CCDC7: variants seen among roughly 807,000 people sequenced by gnomAD.
CCDC7 encodes coiled-coil domain containing 7.
A neutral mutation model predicts 196.9 loss-of-function variants in CCDC7; 183 were observed. The observed-to-expected ratio is 0.93, with a 90% CI of 0.82 to 1.05. CCDC7 has a LOEUF of 1.05. Among genes scored for constraint, CCDC7 ranks in the 50% least tolerant of loss-of-function variants. CCDC7 has a pLI of 0.00. For missense variants in CCDC7, 1,540 were observed against 1,482.2 expected, an observed-to-expected ratio of 1.04 and a Z score of -0.64; for synonymous variants, 525 against 484.6, an observed-to-expected ratio of 1.08 and a Z score of -1.10.
At chr10:32,801,461 TA>T (rs1437120044) in intron 29 of CCDC7, among the ~76,000 whole-genome samples, 1 of 152,232 alleles carries the variant, frequency 6.6e-6, no homozygotes, top group Non-Finnish European at 1.5e-5. Flanking sequence ...TTAGTGGGCC[TA>T]AATCAATAAA....
chr10:32,453,111 T>A (rs956009017), intron 1 of CCDC7, among the ~76,000 whole-genome samples: 14 of 152,106 alleles, frequency 9.2e-5, no homozygotes, highest in Admixed American at 9.2e-4. Context: ...ACAGAAATGG[T>A]AGAGTCATAG....
chr10:32,455,275 C>G (rs1417912020), intron 2 of CCDC7, among the ~76,000 whole-genome samples: 1 of 134,370 alleles, frequency 7.4e-6, no homozygotes, highest in East Asian at 2.2e-4. Context: ...GTGAGCCTCT[C>G]AGCATATTTA....
chr10:32,521,870 G>A (rs2047932403), intron 11 of CCDC7, among the ~76,000 whole-genome samples: 1 of 152,078 alleles, frequency 6.6e-6, no homozygotes, highest in African/African-American at 2.4e-5. Flanking sequence ...GTTGAGGTAT[G>A]TTTCTTCTGT....
At chr10:32,752,143 A>C (rs2075760935) in intron 28 of CCDC7, among the ~76,000 whole-genome samples, 1 of 152,132 alleles carries the variant, frequency 6.6e-6, no homozygotes, top group African/African-American at 2.4e-5. Flanking sequence ...CATTAAGTTT[A>C]TTCAAAAGCC....
chr10:32,780,274 A>G (rs906625571), intron 29 of CCDC7, among the ~76,000 whole-genome samples: 1 of 152,196 alleles, frequency 6.6e-6, no homozygotes, highest in African/African-American at 2.4e-5. Flanking sequence ...GTTAAAATGA[A>G]GGAATGCTAG....
chr10:32,517,881 G>A (rs2047289497), intron 9 of CCDC7, 64 bp from the exon 11 acceptor site: 3 of 1,539,694 alleles, frequency 1.9e-6, no homozygotes, highest in South Asian at 1.2e-5. Flanking sequence ...GAAAATGTGT[G>A]TGTTTCATAA....
At chr10:32,610,542 G>A (rs2062004784) in intron 18 of CCDC7, among the ~76,000 whole-genome samples, 1 of 152,082 alleles carries the variant, frequency 6.6e-6, no homozygotes, top group Non-Finnish European at 1.5e-5. Context: ...ATCTACATTA[G>A]GTATTTCTCC....
At chr10:32,774,495 G>A (rs2079656571) in intron 28 of CCDC7, among the ~76,000 whole-genome samples, 1 of 152,158 alleles carries the variant, frequency 6.6e-6, no homozygotes, top group African/African-American at 2.4e-5. Context: ...CCTGCTTGCA[G>A]GAGGGGGTGA....
rs1226084676 is a variant in CCDC7 at position 32,668,364 on chromosome 10, T to C, written c.2122+4203T>C. Among the ~76,000 whole-genome samples the C allele has an allele frequency of 2.6e-5, 4 of 152,108 alleles. No homozygotes were observed. In the East Asian group the frequency reaches 5.8e-4, roughly 22 times the overall value. The stretch of plus-strand genomic sequence containing the variant: ...TTCCTAATTGAATACCCTTTATTTC[T>C]TTCTCCTGCCTGATTGCCCTGGCCA... On this transcript the variant is annotated intron_variant, in intron 21 of 41. Coordinates refer to ENST00000639629, the Ensembl canonical transcript of CCDC7.
At chr10:32,654,268 A>G (rs2069337389) in intron 20 of CCDC7, among the ~76,000 whole-genome samples, 1 of 152,196 alleles carries the variant, frequency 6.6e-6, no homozygotes, top group Non-Finnish European at 1.5e-5. Context: ...TAGTTTTATA[A>G]TAGCTGATTT....
chr10:32,688,609 T>G (rs2076727087), intron 22 of CCDC7, among the ~76,000 whole-genome samples: 1 of 152,212 alleles, frequency 6.6e-6, no homozygotes, highest in Non-Finnish European at 1.5e-5. Context: ...CTTTTGTAAC[T>G]GTATGTACAG....
chr10:32,850,813 A>G (rs1565709207), intron 39 of CCDC7, among the ~76,000 whole-genome samples: 1 of 129,836 alleles, frequency 7.7e-6, no homozygotes, highest in Non-Finnish European at 1.8e-5. Flanking sequence ...ACACACACAC[A>G]CACACAGAGA....
chr10:32,841,270 C>A (rs1197180882), intron 33 of CCDC7, among the ~76,000 whole-genome samples: 1 of 151,954 alleles, frequency 6.6e-6, no homozygotes, highest in African/African-American at 2.4e-5. Context: ...ATCCAAAAAG[C>A]TCCCAGAACT....
At chr10:32,817,902 G>C (rs1383525219) in intron 31 of CCDC7, among the ~76,000 whole-genome samples, 2 of 152,108 alleles carry the variant, frequency 1.3e-5, no homozygotes, top group South Asian at 2.1e-4. Context: ...GGTAAAGACT[G>C]TCAAGGCTAG....
At chr10:32,680,469 T>C (rs754897565) in intron 21 of CCDC7, among the ~76,000 whole-genome samples, 10 of 152,058 alleles carry the variant, frequency 6.6e-5, no homozygotes, top group Non-Finnish European at 1.0e-4. Context: ...CTAGAGTACA[T>C]GTGCACAACA....
intron 13 of CCDC7, among the ~76,000 whole-genome samples, chr10:32,561,977 C>T (rs367829746): frequency 2.1e-4 from 29 of 140,322 alleles, no homozygotes; most frequent in East Asian, 1.4e-3. Flanking sequence ...ATATCACCAC[C>T]GATCCCACAG....
chr10:32,786,201 A>AT (rs1245757441), intron 29 of CCDC7, among the ~76,000 whole-genome samples: 3 of 152,190 alleles, frequency 2.0e-5, no homozygotes, highest in African/African-American at 7.2e-5. Context: ...AATAAAGTAA[A>AT]TTTTTTGTAA....
intron 8 of CCDC7, among the ~76,000 whole-genome samples, chr10:32,483,330 A>C (rs2040348612): frequency 1.3e-5 from 2 of 152,164 alleles, no homozygotes; most frequent in Admixed American, 6.5e-5. Context: ...CCTGTTGCAC[A>C]CTTTTTGATG....
chr10:32,613,243 T>C (rs745777029), intron 18 of CCDC7, among the ~76,000 whole-genome samples: 5 of 152,190 alleles, frequency 3.3e-5, no homozygotes, highest in Non-Finnish European at 2.9e-5. Context: ...GGGTAGTTTA[T>C]ATTTTTGTGG....
Sources: gnomAD v4.1 joint callset for allele counts (sites outside exome capture counted in the v4.1 genomes callset) on GRCh38, gnomAD v4.1.1 for gene constraint, MANE v1.5 for transcripts, NCBI Gene and HGNC (gene_info 2026-07-23, HGNC 2026-07-21) for gene names.